FHIT: variants seen among roughly 807,000 people sequenced by gnomAD.
FHIT encodes fragile histidine triad diadenosine triphosphatase.
In FHIT, 19 loss-of-function variants were observed where a neutral mutation model predicts 17.9. That is an observed-to-expected ratio of 1.06 (90% CI 0.74 to 1.56). The LOEUF (loss-of-function observed/expected upper bound fraction) is 1.56, where lower values mean the gene tolerates loss of function less well. FHIT is among the 40% of genes most tolerant of loss of function. The pLI is 0.00. For missense variants in FHIT, 248 were observed against 189.2 expected (o/e 1.31, Z -1.82); for synonymous variants, 81 against 69.7 (o/e 1.16, Z -0.81).
At chr3:60,022,672 C>T (rs1700596103) in intron 5 of FHIT, among the ~76,000 whole-genome samples, 1 of 152,270 alleles carries the variant, frequency 6.6e-6, no homozygotes, top group East Asian at 1.9e-4. Context: ...CTATTTACAG[C>T]AGCATGTTGA....
intron 5 of FHIT, among the ~76,000 whole-genome samples, chr3:60,251,591 T>C (rs1307283073): frequency 6.6e-6 from 1 of 152,208 alleles, no homozygotes; most frequent in Admixed American, 6.5e-5. Context: ...TTGGGAATAG[T>C]TATGCCAGTT....
intron 4 of FHIT, among the ~76,000 whole-genome samples, chr3:60,661,033 A>T (rs1308674569): frequency 6.6e-6 from 1 of 151,762 alleles, no homozygotes; most frequent in Non-Finnish European, 1.5e-5. Flanking sequence ...AAATCTAAGG[A>T]CACTTTGGTT....
intron 4 of FHIT, among the ~76,000 whole-genome samples, chr3:60,695,581 T>A (rs1284349914): frequency 7.2e-5 from 11 of 152,282 alleles, no homozygotes; most frequent in African/African-American, 2.4e-4. Context: ...GGGATAATAC[T>A]GTTACCTCAC....
chr3:60,769,258 G>C lies in FHIT; in HGVS notation c.-18+52661C>G, dbSNP rs556907179. Among the ~76,000 whole-genome samples the C allele has an allele frequency of 3.9e-4, 60 of 152,064 alleles. 1 individual carries two copies. The highest frequency in any genetic ancestry group is 8.4e-4 in the Non-Finnish European group (57 of 68,028). On this transcript the variant is annotated intron_variant, in intron 4 of 9. Transcript: ENST00000492590. ...GAAAAGCTAAAGGACTATCCTACAG[G>C]CTGCAGAATGTTCTCTTAACTAGTG...
chr3:60,908,406 T>C (rs1706545885), intron 3 of FHIT, among the ~76,000 whole-genome samples: 1 of 152,292 alleles, frequency 6.6e-6, no homozygotes, highest in African/African-American at 2.4e-5. Flanking sequence ...ATTTCCTCAG[T>C]AGGTAGCCCC....
chr3:60,472,090 A>T (rs1435794040), intron 5 of FHIT, among the ~76,000 whole-genome samples: 2 of 149,968 alleles, frequency 1.3e-5, no homozygotes, highest in African/African-American at 4.9e-5. Context: ...TAAAGCCCAG[A>T]CATCACCACT....
At chr3:60,909,640 A>G (rs1706624919) in intron 3 of FHIT, among the ~76,000 whole-genome samples, 1 of 152,218 alleles carries the variant, frequency 6.6e-6, no homozygotes, top group Admixed American at 6.5e-5. Flanking sequence ...AAAGACAAAT[A>G]AGGAAGTTAA....
At chr3:60,096,775 G>A (rs576928722) in intron 5 of FHIT, among the ~76,000 whole-genome samples, 6 of 152,136 alleles carry the variant, frequency 3.9e-5, no homozygotes, top group Non-Finnish European at 8.8e-5. Context: ...ACAGAGCAGA[G>A]AGTGTCATGG....
intron 3 of FHIT, among the ~76,000 whole-genome samples, chr3:60,825,821 C>T (rs1702090367): frequency 6.6e-6 from 1 of 152,096 alleles, no homozygotes; most frequent in African/African-American, 2.4e-5. Flanking sequence ...GCTGTGGATA[C>T]ACATATATGT....
At chr3:60,957,470 C>T (rs1709227527) in intron 3 of FHIT, among the ~76,000 whole-genome samples, 1 of 152,138 alleles carries the variant, frequency 6.6e-6, no homozygotes, top group South Asian at 2.1e-4. Flanking sequence ...ATCTCCTGAC[C>T]TTGTGATCCA....
At chr3:60,093,395 T>A (rs1410861105) in intron 5 of FHIT, among the ~76,000 whole-genome samples, 5 of 152,138 alleles carry the variant, frequency 3.3e-5, no homozygotes, top group Non-Finnish European at 2.9e-5. Flanking sequence ...CTTCTAAGAA[T>A]CCTTGAGATT....
intron 5 of FHIT, among the ~76,000 whole-genome samples, chr3:60,110,834 T>G (rs983132063): frequency 9.2e-5 from 14 of 152,342 alleles, no homozygotes; most frequent in Non-Finnish European, 2.1e-4. Flanking sequence ...TTTAGGACTT[T>G]ATGATTGCCT....
At chr3:60,522,093 A>T (rs1254369718) in intron 5 of FHIT, among the ~76,000 whole-genome samples, 1 of 148,846 alleles carries the variant, frequency 6.7e-6, no homozygotes, top group Non-Finnish European at 1.5e-5. Flanking sequence ...AGAAACAGCA[A>T]CAGCAACCAG....
intron 5 of FHIT, among the ~76,000 whole-genome samples, chr3:60,029,395 C>T (rs575448509): frequency 6.6e-6 from 1 of 152,268 alleles, no homozygotes; most frequent in Admixed American, 6.5e-5. Context: ...AAATTTAAAA[C>T]CTGTGCCAAG....
chr3:60,131,023 ATATACATATG>A (rs1230209911), intron 5 of FHIT, among the ~76,000 whole-genome samples: 16 of 73,868 alleles, frequency 2.2e-4, no homozygotes, highest in Admixed American at 6.3e-4. Flanking sequence ...ATATACACAT[ATATACATATG>A]TGTATATATA....
chr3:60,578,133 A>G (rs1303725769), intron 4 of FHIT, among the ~76,000 whole-genome samples: 1 of 152,096 alleles, frequency 6.6e-6, no homozygotes, highest in Non-Finnish European at 1.5e-5. Flanking sequence ...GAGAACTACA[A>G]TCTTTTAAAA....
At chr3:60,552,015 G>A (rs978030394) in intron 4 of FHIT, among the ~76,000 whole-genome samples, 2 of 151,910 alleles carry the variant, frequency 1.3e-5, no homozygotes, top group East Asian at 3.9e-4. Context: ...ACAGCCCCTG[G>A]CAACTACTAT....
intron 5 of FHIT, among the ~76,000 whole-genome samples, chr3:60,063,065 T>A (rs1182149547): frequency 6.6e-6 from 1 of 152,150 alleles, no homozygotes; most frequent in Admixed American, 6.5e-5. Context: ...CTGTTACAGA[T>A]ACATGCAAAC....
At chr3:60,920,222 G>C (rs1292137985) in intron 3 of FHIT, among the ~76,000 whole-genome samples, 3 of 152,140 alleles carry the variant, frequency 2.0e-5, no homozygotes, top group Non-Finnish European at 4.4e-5. Flanking sequence ...CACAGCATTT[G>C]CCTATAATAA....
Sources: allele counts gnomAD v4.1 joint callset (sites outside exome capture counted in the v4.1 genomes callset), GRCh38; gene constraint gnomAD v4.1.1; transcripts MANE v1.5; gene names NCBI Gene and HGNC (gene_info 2026-07-23, HGNC 2026-07-21).